The following LIPM variants were observed in gnomAD, a reference collection of about 807,000 sequenced individuals.
LIPM encodes lipase member M.
LIPM carries 42 observed loss-of-function variants against 42.4 expected under a neutral mutation model. The observed-to-expected ratio is 0.99, with a 90% CI of 0.77 to 1.28. LIPM has a LOEUF of 1.28. Among genes scored for constraint, LIPM ranks in the 50% most tolerant of loss-of-function variants. The probability of loss-of-function intolerance (pLI) is 0.00; values close to 1 mark genes in which losing one functional copy is unlikely to be tolerated. For missense variants in LIPM, 524 were observed against 520.1 expected (o/e 1.01, Z -0.07); for synonymous variants, 177 against 173.3 (o/e 1.02, Z -0.17).
At chr10:88,817,780 C>T in intron 7 of LIPM, 45 bp from the exon 8 acceptor site, 1 of 1,343,594 alleles carries the variant, frequency 7.4e-7, no homozygotes, top group Non-Finnish European at 1.0e-6. Flanking sequence ...CCACGCTTAT[C>T]CACTGAGACG....
At position 88,816,885 on chromosome 10, in the gene LIPM, C is replaced by T; in HGVS notation, c.928C>T (p.Gln310Ter). ...TGTGCAAAATATTCTACACTGGAGC[C>T]AGGTAAGAATGTTGAATTTGCAGTC... Reference protein sequence around the residue: ...TSVQNILHWSQAVNSGELRAF... With the variant: ...TSVQNILHWS Residue 310 changes from glutamine (Q) to a stop codon, truncating the protein, a stop_gained and splice_region_variant, in exon 7 of 9, where the codon CAG becomes TAG. Coordinates refer to ENST00000404743, the MANE Select transcript of LIPM (RefSeq NM_001128215.1). LOFTEE classifies it high-confidence loss of function. The T allele has an allele frequency of 7.1e-6, 11 of 1,550,660 alleles. No individual in the cohort carries two copies. Among genetic ancestry groups the T allele is most frequent in the Non-Finnish European group, 9.6e-6 (11 of 1,146,148 alleles).
intron 2 of LIPM, among the ~76,000 whole-genome samples, chr10:88,811,450 CT>C (rs1843655380): frequency 6.6e-6 from 1 of 152,130 alleles, no homozygotes; most frequent in African/African-American, 2.4e-5. Context: ...CTCACAAGTC[CT>C]GTTGAGGGCA....
At chr10:88,808,445 AGCAGTCTTCTCT>A (rs1278480620) in intron 2 of LIPM, 30 bp downstream of exon 2, 1 of 1,239,606 alleles carries the variant, frequency 8.1e-7, no homozygotes, top group African/African-American at 1.5e-5. Flanking sequence ...ACCGCAACAC[AGCAGTCTTCTCT>A]GCAGTCACGA....
intron 3 of LIPM, among the ~76,000 whole-genome samples, chr10:88,813,565 A>G (rs1843680373): frequency 6.6e-6 from 1 of 151,958 alleles, no homozygotes; most frequent in Non-Finnish European, 1.5e-5. Flanking sequence ...AGAAGTGTAG[A>G]TCAATTTCCT....
At chr10:88,806,521 G>C (rs72807376) in intron 1 of LIPM, among the ~76,000 whole-genome samples, 3,673 of 152,240 alleles carry the variant, frequency 0.024, 94 homozygotes, top group East Asian at 0.1. Context: ...GTTCCTGAAG[G>C]ATAGTTGTCA....
chr10:88,809,106 C>T (rs1165074529), intron 2 of LIPM, among the ~76,000 whole-genome samples: 1 of 151,988 alleles, frequency 6.6e-6, no homozygotes, highest in Admixed American at 6.6e-5. Context: ...AGGCATACAC[C>T]ACCACACCTG....
intron 1 of LIPM, among the ~76,000 whole-genome samples, chr10:88,807,754 A>G (rs1843606636): frequency 1.3e-5 from 2 of 152,360 alleles, no homozygotes; most frequent in South Asian, 2.1e-4. Context: ...ACCTTAGGAA[A>G]TGCATGGCCC....
chr10:88,813,410 T>A, intron 3 of LIPM, 115 bp downstream of exon 3: 1 of 778,096 alleles, frequency 1.3e-6, no homozygotes, highest in Non-Finnish European at 2.0e-6. Flanking sequence ...ATCATTATCT[T>A]AACATGATAT....
chr10:88,815,236 C>T lies in LIPM; in HGVS notation c.711+12C>T. On this transcript the variant is annotated intron_variant, in intron 5 of 8. Coordinates refer to ENST00000404743, the MANE Select transcript of LIPM (RefSeq NM_001128215.1). ...ATATGATGATCAAGGTATGAGACTC[C>T]TCAGAAAACTTCCTGTGTACGTAGA... The T allele has an allele frequency of 6.5e-7, 1 of 1,548,882 alleles. No homozygotes were observed. Among genetic ancestry groups the T allele is most frequent in the Non-Finnish European group, 8.7e-7 (1 of 1,146,242 alleles).
At chr10:88,816,128 T>C (rs1040714970) in intron 6 of LIPM, among the ~76,000 whole-genome samples, 3 of 152,116 alleles carry the variant, frequency 2.0e-5, no homozygotes, top group Non-Finnish European at 4.4e-5. Context: ...CCGTCTCAAG[T>C]TAGGAAGAGA....
At chr10:88,806,137 C>T (rs866422003) in intron 1 of LIPM, 7 of 357,022 alleles carry the variant, frequency 2.0e-5, no homozygotes, top group Middle Eastern at 5.0e-4. Context: ...GGGACCAGTC[C>T]TTTATTGCCT....
chr10:88,814,033 C>T (rs767228963), intron 3 of LIPM, among the ~76,000 whole-genome samples: 1 of 152,198 alleles, frequency 6.6e-6, no homozygotes, highest in African/African-American at 2.4e-5. Context: ...AGTGGGAACA[C>T]AAGGCCTAAC....
intron 8 of LIPM, 55 bp downstream of exon 8, chr10:88,817,951 G>A (rs1843737997): frequency 7.7e-7 from 1 of 1,292,240 alleles, no homozygotes. Context: ...ATGTATGACA[G>A]GGACGTTATA....
At chr10:88,808,127 A>G (rs1356681367) in intron 1 of LIPM, among the ~76,000 whole-genome samples, 171 bp from the exon 2 acceptor site, 1 of 152,222 alleles carries the variant, frequency 6.6e-6, no homozygotes, top group African/African-American at 2.4e-5. Context: ...AGACAAAGAA[A>G]GTAAGGACTA....
At chr10:88,805,604 T>C (rs998506325) in intron 1 of LIPM, among the ~76,000 whole-genome samples, 2 of 152,246 alleles carry the variant, frequency 1.3e-5, no homozygotes, top group Non-Finnish European at 2.9e-5. Flanking sequence ...TTTGTTTTCT[T>C]AAGAAGAAAT....
chr10:88,807,151 T>A (rs1459970972), intron 1 of LIPM, among the ~76,000 whole-genome samples: 1 of 152,246 alleles, frequency 6.6e-6, no homozygotes, highest in Non-Finnish European at 1.5e-5. Context: ...TAGTGTTATA[T>A]GTGCATTATC....
At chr10:88,814,378 G>A (rs1009120600) in intron 3 of LIPM, among the ~76,000 whole-genome samples, 152 bp from the exon 4 acceptor site, 2 of 152,196 alleles carry the variant, frequency 1.3e-5, no homozygotes, top group African/African-American at 4.8e-5. Flanking sequence ...TCATAGGTTT[G>A]AAAGAAATCC....
At chr10:88,819,186 G>A (rs539034395) in intron 8 of LIPM, among the ~76,000 whole-genome samples, 1 of 152,188 alleles carries the variant, frequency 6.6e-6, no homozygotes, top group Admixed American at 6.5e-5. Context: ...CACTGTGCCC[G>A]GCCCTAAGAT....
In LIPM at chr10:88,820,506, T is replaced by G. The variant is rs1843779035; in HGVS notation, c.*5T>G. 6.5e-7 allele frequency: 1 copy of G among 1,548,464 alleles called. No homozygotes were observed. Among genetic ancestry groups the G allele is most frequent in the Non-Finnish European group, 8.7e-7 (1 of 1,146,130 alleles). On this transcript the variant is annotated 3_prime_UTR_variant, in exon 9 of 9. Transcript: ENST00000404743. ...CGGTGTGAGGCCGTATTGTGAAGCA[T>G]CTGACACTGACGATCTTAGGACAAC...
Sources: allele counts gnomAD v4.1 joint callset (sites outside exome capture counted in the v4.1 genomes callset), GRCh38; gene constraint gnomAD v4.1.1; transcripts MANE v1.5; gene names NCBI Gene and HGNC (gene_info 2026-07-23, HGNC 2026-07-21).